The following SERGEF variants were observed in gnomAD, a reference collection of about 807,000 sequenced individuals.
SERGEF encodes the protein secretion regulating guanine nucleotide exchange factor.
In SERGEF, 51 loss-of-function variants were observed where a neutral mutation model predicts 50.0. That is an observed-to-expected ratio of 1.02 (90% CI 0.81 to 1.29). SERGEF has a LOEUF of 1.29. Ranked by LOEUF, SERGEF falls within the 50% of genes most tolerant of loss-of-function variation. The pLI, the probability that SERGEF is intolerant of heterozygous loss-of-function variation, is 0.00. For missense variants in SERGEF, 521 were observed against 557.0 expected (o/e 0.94, Z 0.65); for synonymous variants, 205 against 212.4 (o/e 0.97, Z 0.30).
Position 17,884,925 on chromosome 11 carries a change from A to G in SERGEF, c.1012-6681T>C, listed in dbSNP as rs1193102949. Reference sequence around the variant, plus strand: ...TGCAATACCTCCCATCTTCACAGCCACTCTGAGAAGTGGGAATCTGTCTCC... The same window carrying G: ...TGCAATACCTCCCATCTTCACAGCCGCTCTGAGAAGTGGGAATCTGTCTCC... On this transcript the variant is annotated intron_variant, in intron 9 of 10. Transcript: ENST00000265965. This position sits in a 1 kb window ranked among gnomAD's most constrained non-coding sequence, Gnocchi z 4.6. Among the ~76,000 whole-genome samples, 4 of 152,086 alleles carry G rather than the reference A, an allele frequency of 2.6e-5. No homozygotes were observed. Among genetic ancestry groups the G allele is most frequent in the Non-Finnish European group, 5.9e-5 (4 of 68,022 alleles).
chr11:17,934,933 G>T (rs1001517952), intron 9 of SERGEF, among the ~76,000 whole-genome samples: 1 of 151,830 alleles, frequency 6.6e-6, no homozygotes, highest in Non-Finnish European at 1.5e-5. Context: ...CATGACCCAG[G>T]TCCTATTTCT....
intron 10 of SERGEF, among the ~76,000 whole-genome samples, chr11:17,809,857 C>T (rs1017318694): frequency 7.2e-5 from 11 of 152,098 alleles, no homozygotes; most frequent in African/African-American, 2.7e-4. Context: ...AGAATCCAAC[C>T]CCAAGGATAT....
intron 9 of SERGEF, among the ~76,000 whole-genome samples, chr11:17,922,252 G>A (rs931074946): frequency 4.6e-5 from 7 of 152,106 alleles, no homozygotes; most frequent in African/African-American, 1.4e-4. Context: ...ATTATTAAAC[G>A]AGCCCAAATG....
intron 10 of SERGEF, among the ~76,000 whole-genome samples, chr11:17,828,608 A>G (rs996542229): frequency 2.0e-5 from 3 of 152,192 alleles, no homozygotes; most frequent in Admixed American, 6.5e-5. Flanking sequence ...CTTTTACTCT[A>G]CAAGACAGAG....
At chr11:17,917,468 T>C (rs1233147071) in intron 9 of SERGEF, among the ~76,000 whole-genome samples, 2 of 152,182 alleles carry the variant, frequency 1.3e-5, no homozygotes, top group African/African-American at 4.8e-5. Flanking sequence ...GGGTTTAATG[T>C]ATACTGCTTG....
chr11:17,985,657 T>C (rs1853579799), intron 8 of SERGEF, among the ~76,000 whole-genome samples: 1 of 152,218 alleles, frequency 6.6e-6, no homozygotes, highest in South Asian at 2.1e-4. Flanking sequence ...CTTGGACTCT[T>C]TCCAAGTGCC....
intron 10 of SERGEF, among the ~76,000 whole-genome samples, chr11:17,792,308 G>A (rs1471979992): frequency 1.3e-5 from 2 of 152,254 alleles, no homozygotes; most frequent in African/African-American, 2.4e-5. Context: ...AGGTTGAGCT[G>A]AGGCACGAGG....
rs1851781276 is a variant in SERGEF, at chr11:17,903,352, G to A, written c.1012-25108C>T. Reference sequence around the variant, plus strand: ...CTCCAACTGGCAGGTCCAGTCACAAGAAGATACAGCTAGAATACTAAAGCT... The same window carrying A: ...CTCCAACTGGCAGGTCCAGTCACAAAAAGATACAGCTAGAATACTAAAGCT... On this transcript the variant is annotated intron_variant, in intron 9 of 10. Coordinates refer to ENST00000265965, the MANE Select transcript of SERGEF (RefSeq NM_012139.4). 3.3e-5 allele frequency among the ~76,000 whole-genome samples: 5 copies of A among 152,292 alleles called. No homozygotes were observed. In the South Asian group the frequency reaches 1.0e-3, roughly 32 times the overall value.
At chr11:17,899,732 C>A (rs1039883109) in intron 9 of SERGEF, among the ~76,000 whole-genome samples, 3 of 152,002 alleles carry the variant, frequency 2.0e-5, no homozygotes, top group African/African-American at 7.2e-5. Context: ...GCAGGAGGAT[C>A]ACTTGAGGCC....
At chr11:17,835,840 T>C (rs968417176) in intron 10 of SERGEF, among the ~76,000 whole-genome samples, 1 of 152,226 alleles carries the variant, frequency 6.6e-6, no homozygotes, top group African/African-American at 2.4e-5. Context: ...ATCTGAAATG[T>C]TGTAAAGTAG....
intron 10 of SERGEF, among the ~76,000 whole-genome samples, chr11:17,794,655 C>A (rs763428593): frequency 2.0e-5 from 3 of 152,186 alleles, no homozygotes; most frequent in Non-Finnish European, 2.9e-5. Context: ...ATCCTCACAA[C>A]AAACTTGTGA....
intron 10 of SERGEF, among the ~76,000 whole-genome samples, chr11:17,802,892 G>T (rs987626242): frequency 6.6e-6 from 1 of 152,122 alleles, no homozygotes; most frequent in Non-Finnish European, 1.5e-5. Context: ...ACTTTTGTTT[G>T]TCTGTTTCCC....
intron 10 of SERGEF, among the ~76,000 whole-genome samples, chr11:17,795,736 G>A (rs1023208055): frequency 6.6e-6 from 1 of 152,182 alleles, no homozygotes; most frequent in Non-Finnish European, 1.5e-5. Context: ...TTTAGGACTT[G>A]TGCTGCACAC....
At chr11:17,828,729 T>G (rs1006221438) in intron 10 of SERGEF, among the ~76,000 whole-genome samples, 1 of 152,146 alleles carries the variant, frequency 6.6e-6, no homozygotes, top group African/African-American at 2.4e-5. Flanking sequence ...CAGAAGAGAA[T>G]CTTATTTTAA....
intron 9 of SERGEF, among the ~76,000 whole-genome samples, chr11:17,890,530 G>A (rs1851512859): frequency 6.6e-6 from 1 of 152,082 alleles, no homozygotes; most frequent in Non-Finnish European, 1.5e-5. Context: ...TCCACTGAGG[G>A]AGGCTGTGAG....
At chr11:17,834,288 G>A (rs1850364666) in intron 10 of SERGEF, among the ~76,000 whole-genome samples, 2 of 152,176 alleles carry the variant, frequency 1.3e-5, no homozygotes, top group East Asian at 3.9e-4. Flanking sequence ...GATGTGAGGT[G>A]CTCCTCCTTG....
intron 10 of SERGEF, among the ~76,000 whole-genome samples, chr11:17,872,473 C>G (rs1482057374): frequency 6.6e-6 from 1 of 152,108 alleles, no homozygotes; most frequent in Non-Finnish European, 1.5e-5. Flanking sequence ...GGCAAAAATC[C>G]AAGAGTTTCT....
intron 10 of SERGEF, among the ~76,000 whole-genome samples, chr11:17,849,184 C>G (rs1283458633): frequency 6.6e-6 from 1 of 152,158 alleles, no homozygotes; most frequent in African/African-American, 2.4e-5. Flanking sequence ...ATCATGTATG[C>G]TCCCCTACCA....
intron 9 of SERGEF, among the ~76,000 whole-genome samples, chr11:17,901,211 T>C (rs568346): frequency 0.38 from 58,193 of 151,916 alleles, 11,257 homozygotes; most frequent in South Asian, 0.43. Flanking sequence ...CTCTTTTCCA[T>C]CTCTACTGCC....
Sources: allele counts gnomAD v4.1 joint callset (sites outside exome capture counted in the v4.1 genomes callset), GRCh38; gene constraint gnomAD v4.1.1; non-coding constraint Gnocchi (gnomAD v3.1); transcripts MANE v1.5; gene names NCBI Gene and HGNC (gene_info 2026-07-23, HGNC 2026-07-21).